The following EAF2 variants were observed in gnomAD, a reference collection of about 807,000 sequenced individuals.
The protein encoded by EAF2 is ELL associated factor 2, also known as ELL-associated factor 2.
In EAF2, 29 loss-of-function variants were observed where a neutral mutation model predicts 29.4. The ratio of observed to expected loss-of-function variants is 0.99; its 90% confidence interval spans 0.73 to 1.35. The LOEUF is 1.35. Ranked by LOEUF, EAF2 falls within the 40% of genes most tolerant of loss-of-function variation. EAF2 has a pLI of 0.00. For missense variants in EAF2, 292 were observed against 312.0 expected, an observed-to-expected ratio of 0.94 and a Z score of 0.48; for synonymous variants, 103 against 102.5, an observed-to-expected ratio of 1.00 and a Z score of -0.03.
At chr3:121,840,265 G>A (rs1248494307) in intron 1 of EAF2, among the ~76,000 whole-genome samples, 6 of 150,652 alleles carry the variant, frequency 4.0e-5, no homozygotes, top group Non-Finnish European at 8.9e-5. Context: ...GGCTGAGGCG[G>A]GTGGATCACG....
At chr3:121,840,117 G>GAC (rs1708383160) in intron 1 of EAF2, among the ~76,000 whole-genome samples, 1 of 146,860 alleles carries the variant, frequency 6.8e-6, no homozygotes, top group Non-Finnish European at 1.5e-5. Flanking sequence ...TTGAACCGAA[G>GAC]AGGCGGAGGT....
rs892153256 is a variant in EAF2 at position 121,835,228 on chromosome 3, T to C, written c.-58T>C. On this transcript the variant is annotated 5_prime_UTR_variant, in exon 1 of 6. Transcript: ENST00000273668. ...GGGATCAAGTGCAGCTGCTTCAGGC[T>C]GAGGTGGCAGATAGTGAGCGCTGGT... 18 of 1,535,090 alleles carry C rather than the reference T, an allele frequency of 1.2e-5. No individual in the cohort carries two copies. The highest frequency in any genetic ancestry group is 1.6e-5 in the Non-Finnish European group (18 of 1,108,650).
Position 121,854,718 on chromosome 3 carries a change from G to T in EAF2, c.233G>T (p.Gly78Val), listed in dbSNP as rs1708687759. 2.6e-6 allele frequency: 4 copies of T among 1,558,972 alleles called. No homozygotes were observed. Among genetic ancestry groups the T allele is most frequent in the Non-Finnish European group, 3.4e-6 (4 of 1,164,516 alleles). The change falls in exon 3 of 6, where the codon GGT becomes GTT. Residue 78 changes from glycine to valine, a missense_variant. Coordinates refer to ENST00000273668, the MANE Select transcript of EAF2 (RefSeq NM_018456.6). ...GSTPPVTVFK[G>V]SKKPYLKECI... ...ACTCCACCAGTAACTGTTTTCAAAG[G>T]TTCAAAAAAACCTTACTTAAAAGAA... is the stretch of plus-strand genomic sequence containing the variant.
rs1709160600 is a variant in EAF2 at position 121,879,717 on chromosome 3, A to G, written c.737-6625A>G. Among the ~76,000 whole-genome samples the G allele has an allele frequency of 4.6e-5, 7 of 151,380 alleles. 1 individual carries two copies. In the South Asian group the frequency reaches 1.5e-3, roughly 32 times the overall value. On this transcript the variant is annotated intron_variant, in intron 5 of 5. Coordinates refer to ENST00000273668, the MANE Select transcript of EAF2 (RefSeq NM_018456.6). ...TTCTTGGTGACTTTGTGAAAAATCA[A>G]TTGACTATAAATATGTGGATTTATC...
intron 1 of EAF2, among the ~76,000 whole-genome samples, chr3:121,843,116 GTTTA>G (rs1428300536): frequency 2.0e-5 from 3 of 152,122 alleles, no homozygotes; most frequent in African/African-American, 4.8e-5. Flanking sequence ...TTGCATTTAT[GTTTA>G]TTTAAGGAAT....
intron 4 of EAF2, among the ~76,000 whole-genome samples, chr3:121,864,899 T>C (rs967794236): frequency 5.3e-4 from 80 of 152,280 alleles, no homozygotes; most frequent in African/African-American, 1.6e-3. Context: ...CAGCATATGT[T>C]GTATCATCTG....
In EAF2 at chr3:121,886,480, C is replaced by A. The variant is rs1709286885; in HGVS notation, c.*92C>A. ...ATTCCTAAGACTGAGGGAAATATGT[C>A]TTAACTTTTGATGATAAAAGAAATT... is the stretch of plus-strand genomic sequence containing the variant. On this transcript the variant is annotated 3_prime_UTR_variant, in exon 6 of 6. Transcript: ENST00000273668. 7 of 665,268 alleles carry A rather than the reference C, an allele frequency of 1.1e-5. No individual in the cohort carries two copies. The highest frequency in any genetic ancestry group is 3.4e-5 in the Admixed American group (1 of 29,110). The allele number at this position is 665,268 out of a possible 1,614,324, so 41.2% of individuals were successfully genotyped here. A position where few individuals can be genotyped will look rare whatever the true frequency, so the allele number is the denominator to read the frequency against.
chr3:121,838,793 A>C (rs1323487717), intron 1 of EAF2, among the ~76,000 whole-genome samples: 1 of 152,198 alleles, frequency 6.6e-6, no homozygotes, highest in Non-Finnish European at 1.5e-5. Context: ...TATAATTTTC[A>C]TCAGGTTTTC....
chr3:121,847,022 C>T (rs1235234974), intron 2 of EAF2, among the ~76,000 whole-genome samples: 2 of 152,116 alleles, frequency 1.3e-5, no homozygotes, highest in Non-Finnish European at 2.9e-5. Context: ...CCACCACCAC[C>T]GCTCCTTTCC....
chr3:121,886,144 C>A (rs1365013960), intron 5 of EAF2, among the ~76,000 whole-genome samples, 198 bp from the exon 6 acceptor site: 1 of 151,972 alleles, frequency 6.6e-6, no homozygotes, highest in Admixed American at 6.6e-5. Context: ...ACTAAAACTG[C>A]TGAAGTTTAG....
At chr3:121,846,183 T>G (rs1173140663) in intron 2 of EAF2, among the ~76,000 whole-genome samples, 1 of 152,204 alleles carries the variant, frequency 6.6e-6, no homozygotes, top group Admixed American at 6.5e-5. Context: ...TCCTCTCATC[T>G]GCTGTCTTTT....
chr3:121,845,430 T>C (rs1708510148), intron 2 of EAF2, among the ~76,000 whole-genome samples: 1 of 61,836 alleles, frequency 1.6e-5, no homozygotes, highest in Non-Finnish European at 2.8e-5. Context: ...AGAGCGAGAC[T>C]CCTACATCTC....
intron 4 of EAF2, among the ~76,000 whole-genome samples, chr3:121,865,225 ATGG>A (rs1240643546): frequency 6.6e-6 from 1 of 151,992 alleles, no homozygotes; most frequent in Non-Finnish European, 1.5e-5. Context: ...CCTGAGCAAC[ATGG>A]TGAAACCTCA....
At chr3:121,845,141 T>C (rs545468531) in intron 2 of EAF2, among the ~76,000 whole-genome samples, 46 of 152,138 alleles carry the variant, frequency 3.0e-4, no homozygotes, top group African/African-American at 1.1e-3. Context: ...TAGTAAATCA[T>C]AGTATAATGA....
chr3:121,881,892 C>A (rs1253523583), intron 5 of EAF2, among the ~76,000 whole-genome samples: 1 of 151,886 alleles, frequency 6.6e-6, no homozygotes, highest in African/African-American at 2.4e-5. Flanking sequence ...TATAATTTAC[C>A]AAATCACAAC....
chr3:121,856,856 G>A (rs1290004138), intron 3 of EAF2, among the ~76,000 whole-genome samples, 155 bp from the exon 4 acceptor site: 1 of 152,114 alleles, frequency 6.6e-6, no homozygotes, highest in Non-Finnish European at 1.5e-5. Flanking sequence ...ATAAATACTT[G>A]TTAAATAATG....
At chr3:121,886,274 T>A (rs1709283094) in intron 5 of EAF2, 68 bp from the exon 6 acceptor site, 1 of 1,068,428 alleles carries the variant, frequency 9.4e-7, no homozygotes, top group African/African-American at 1.7e-5. Flanking sequence ...TTGTGTAAAA[T>A]TTGTGTTATG....
At chr3:121,842,141 GCCACTGCAC>G (rs1708446471) in intron 1 of EAF2, among the ~76,000 whole-genome samples, 1 of 151,988 alleles carries the variant, frequency 6.6e-6, no homozygotes, top group Non-Finnish European at 1.5e-5. Context: ...CCGAGATCTA[GCCACTGCAC>G]TCCAGCATGC....
chr3:121,872,524 G>T lies in EAF2; in HGVS notation c.485-13G>T. 6.4e-7 allele frequency: 1 copy of T among 1,569,704 alleles called. No individual in the cohort carries two copies. The highest frequency in any genetic ancestry group is 1.2e-5 in the South Asian group (1 of 84,432). On this transcript the variant is annotated splice_polypyrimidine_tract_variant and intron_variant, in intron 4 of 5. Transcript: ENST00000273668. Reference sequence around the variant, plus strand: ...TTATTTAACCTATCTATTCATTTCTGTCTTATTTTCAGAACTGAAGGCAGA... The same window carrying T: ...TTATTTAACCTATCTATTCATTTCTTTCTTATTTTCAGAACTGAAGGCAGA...
Sources: gnomAD v4.1 joint callset for allele counts (sites outside exome capture counted in the v4.1 genomes callset) on GRCh38, gnomAD v4.1.1 for gene constraint, MANE v1.5 for transcripts, NCBI Gene and HGNC (gene_info 2026-07-23, HGNC 2026-07-21) for gene names.